The following TAF8 variants were observed in gnomAD, a reference collection of about 807,000 sequenced individuals.
The protein encoded by TAF8 is TATA-box binding protein associated factor 8.
TAF8 carries 47 observed loss-of-function variants against 36.5 expected under a neutral mutation model. The ratio of observed to expected loss-of-function variants is 1.29; its 90% confidence interval spans 1.02 to 1.64. The LOEUF is 1.64. TAF8 is among the 40% of genes most tolerant of loss of function. The pLI, the probability that TAF8 is intolerant of heterozygous loss-of-function variation, is 0.00. For missense variants in TAF8, 420 were observed against 407.6 expected (o/e 1.03, Z -0.26); for synonymous variants, 175 against 159.5 (o/e 1.10, Z -0.73).
intron 1 of TAF8, chr6:42,050,936 C>T (rs1277511487): frequency 8.9e-7 from 1 of 1,128,558 alleles, no homozygotes; most frequent in Non-Finnish European, 1.1e-6. Context: ...TTATCTTTTG[C>T]CCTCCTCTCC....
chr6:42,079,909 C>T lies in TAF8; in HGVS notation c.*2364C>T. Reference sequence around the variant, plus strand: ...TTTGGAAACTTGAAAAACTTGGGGACTTGACAGCAGGCTCCATGTTCTTCT... The same window carrying T: ...TTTGGAAACTTGAAAAACTTGGGGATTTGACAGCAGGCTCCATGTTCTTCT... On this transcript the variant is annotated 3_prime_UTR_variant, in exon 9 of 9. Coordinates refer to ENST00000372977, the MANE Select transcript of TAF8 (RefSeq NM_138572.3). 1 of 984,998 alleles carries T rather than the reference C, an allele frequency of 1.0e-6. No homozygotes were observed. Among genetic ancestry groups the T allele is most frequent in the Non-Finnish European group, 1.2e-6 (1 of 829,918 alleles). The allele number at this position is 984,998 out of a possible 1,614,324, so 61.0% of individuals were successfully genotyped here. A position where few individuals can be genotyped will look rare whatever the true frequency, so the allele number is the denominator to read the frequency against.
intron 2 of TAF8, 44 bp downstream of exon 2, chr6:42,051,557 C>T (rs1408697904): frequency 1.3e-6 from 2 of 1,589,352 alleles, no homozygotes; most frequent in Non-Finnish European, 1.7e-6. Flanking sequence ...ACCCCAACAT[C>T]AGTTCTGTGC....
chr6:42,072,430 G>A (rs1765610830), intron 7 of TAF8, among the ~76,000 whole-genome samples: 1 of 152,162 alleles, frequency 6.6e-6, no homozygotes, highest in Non-Finnish European at 1.5e-5. Flanking sequence ...CCCTCCCACA[G>A]AGCAACTGTC....
intron 6 of TAF8, among the ~76,000 whole-genome samples, chr6:42,068,184 G>C (rs773305264): frequency 6.6e-6 from 1 of 152,170 alleles, no homozygotes; most frequent in African/African-American, 2.4e-5. Flanking sequence ...CTGAAGTCAT[G>C]CTGCTTGAGT....
intron 3 of TAF8, 115 bp from the exon 4 acceptor site, chr6:42,055,837 G>A (rs187867493): frequency 2.5e-5 from 20 of 810,708 alleles, no homozygotes; most frequent in African/African-American, 3.4e-5. Flanking sequence ...CTTCTTTTGC[G>A]TGGCTGCAAG....
At position 42,077,164 on chromosome 6, in the gene TAF8, G is replaced by T. The variant is rs376494787; in HGVS notation, c.845G>T (p.Ser282Ile). 8 of 1,614,078 alleles carry T rather than the reference G, an allele frequency of 5.0e-6. No homozygotes were observed. In the African/African-American group the frequency reaches 8.0e-5, roughly 16 times the overall value. The change falls in exon 8 of 9, where the codon AGC (serine) becomes ATC (isoleucine). Residue 282 changes from serine to isoleucine, a missense_variant. Coordinates refer to ENST00000372977, the MANE Select transcript of TAF8 (RefSeq NM_138572.3). ...VLQQNPSLSGSRNGEENIIDN... is the reference protein window; with the variant it reads ...VLQQNPSLSGIRNGEENIIDN... Reference sequence around the variant, plus strand: ...CAGCAGAACCCCTCCTTGTCGGGTAGCCGGAATGGGGAGGAGAACATCATC... The same window carrying T: ...CAGCAGAACCCCTCCTTGTCGGGTATCCGGAATGGGGAGGAGAACATCATC...
At chr6:42,067,784 C>G (rs1227798221) in intron 6 of TAF8, among the ~76,000 whole-genome samples, 3 of 150,654 alleles carry the variant, frequency 2.0e-5, no homozygotes. Flanking sequence ...AGGCTGGTCT[C>G]AAACTCCTGG....
chr6:42,068,697 A>G, intron 7 of TAF8, 90 bp downstream of exon 7: 2 of 1,514,062 alleles, frequency 1.3e-6, no homozygotes, highest in Non-Finnish European at 1.8e-6. Flanking sequence ...GACATGATCG[A>G]CCTCAGGTCT....
At position 42,080,850 on chromosome 6, in the gene TAF8, A is replaced by T. The variant is rs1047305642; in HGVS notation, c.*3305A>T. The T allele has an allele frequency of 5.1e-6, 5 of 978,820 alleles. No homozygotes were observed. The African/African-American group carries it at 8.8e-5, about 17-fold the overall frequency. 60.6% of individuals were successfully genotyped at this position (978,820 alleles called of 1,614,324 possible). A position where few individuals can be genotyped will look rare whatever the true frequency, so the allele number is the denominator to read the frequency against. On this transcript the variant is annotated 3_prime_UTR_variant, in exon 9 of 9. Coordinates refer to ENST00000372977, the MANE Select transcript of TAF8 (RefSeq NM_138572.3). ...GCCAAAAGTAGTAAACATGCAGATT[A>T]AAAATGTTTATGAAAATCTCAATAA...
At chr6:42,072,707 T>C (rs1562019567) in intron 7 of TAF8, among the ~76,000 whole-genome samples, 1 of 152,038 alleles carries the variant, frequency 6.6e-6, no homozygotes, top group Non-Finnish European at 1.5e-5. Context: ...TATAGCAAAG[T>C]AAATAACTGG....
rs906315951 is a variant in TAF8 at position 42,078,225 on chromosome 6, G to T, written c.*680G>T. On this transcript the variant is annotated 3_prime_UTR_variant, in exon 9 of 9. Transcript: ENST00000372977. Reference sequence around the variant, plus strand: ...TTAATCAATCAGGCTATGTGGTGGGGCATAGCAGCAGCCAGTGACTTCGTT... The same window carrying T: ...TTAATCAATCAGGCTATGTGGTGGGTCATAGCAGCAGCCAGTGACTTCGTT... The T allele has an allele frequency of 1.0e-6, 1 of 985,394 alleles. No homozygotes were observed. Among genetic ancestry groups the T allele is most frequent in the African/African-American group, 1.7e-5 (1 of 57,244 alleles). The allele number at this position is 985,394 out of a possible 1,614,324, so 61.0% of individuals were successfully genotyped here. A position where few individuals can be genotyped will look rare whatever the true frequency, so the allele number is the denominator to read the frequency against.
intron 7 of TAF8, 125 bp downstream of exon 7, chr6:42,068,732 C>T: frequency 1.8e-6 from 2 of 1,136,374 alleles, no homozygotes; most frequent in East Asian, 2.4e-5. Flanking sequence ...TAGGGGCCTG[C>T]ATAAGGGCTT....
In TAF8 at chr6:42,051,393, A is replaced by G. The variant is rs1441355382; in HGVS notation, c.82A>G (p.Asn28Asp). 6.2e-7 allele frequency: 1 copy of G among 1,614,166 alleles called. No individual in the cohort carries two copies. The highest frequency in any genetic ancestry group is 1.1e-5 in the South Asian group (1 of 91,082). The change falls in exon 2 of 9, where the codon AAC becomes GAC. Residue 28 changes from asparagine to aspartate, a missense_variant. Physicochemically the swap from Asn to Asp is conservative, Grantham distance 23 (BLOSUM62 1). Coordinates refer to ENST00000372977, the MANE Select transcript of TAF8 (RefSeq NM_138572.3). The part of the protein sequence containing the change: ...GSKQSTNPAD[N>D]YHLARRRTLQ... ...TAAACAGTCCACTAACCCTGCCGAT[A>G]ACTATCATCTGGCCCGGAGGAGAAC...
chr6:42,064,741 AG>A (rs1169047654), intron 5 of TAF8, among the ~76,000 whole-genome samples: 1 of 149,856 alleles, frequency 6.7e-6, no homozygotes, highest in Non-Finnish European at 1.5e-5. Flanking sequence ...GTGGATCACA[AG>A]GTCAGGAGAT....
chr6:42,058,254 C>T (rs188244731), intron 5 of TAF8, among the ~76,000 whole-genome samples: 84 of 152,194 alleles, frequency 5.5e-4, no homozygotes, highest in African/African-American at 1.7e-3. Flanking sequence ...CGTGGTGGCA[C>T]ATACCTGTAG....
intron 2 of TAF8, among the ~76,000 whole-genome samples, chr6:42,054,232 C>T (rs1450144216): frequency 6.6e-6 from 1 of 152,178 alleles, no homozygotes; most frequent in Non-Finnish European, 1.5e-5. Flanking sequence ...CCCCAAAAGA[C>T]TTTAACGTGA....
At chr6:42,061,127 G>C (rs1385078735) in intron 5 of TAF8, among the ~76,000 whole-genome samples, 1 of 152,090 alleles carries the variant, frequency 6.6e-6, no homozygotes, top group Non-Finnish European at 1.5e-5. Context: ...ACTGCATTTT[G>C]AAAAGGACCA....
chr6:42,083,496 A>G (rs1015523533), downstream of TAF8, among the ~76,000 whole-genome samples: 1 of 152,176 alleles, frequency 6.6e-6, no homozygotes, highest in African/African-American at 2.4e-5. Flanking sequence ...CCTCCTTGCC[A>G]CCTCAGTGTA....
At chr6:42,061,116 A>G (rs746864814) in intron 5 of TAF8, among the ~76,000 whole-genome samples, 3 of 152,214 alleles carry the variant, frequency 2.0e-5, no homozygotes, top group Non-Finnish European at 2.9e-5. Flanking sequence ...TTTGATTATA[A>G]ACTGCATTTT....
Sources: gnomAD v4.1 joint callset for allele counts (sites outside exome capture counted in the v4.1 genomes callset) on GRCh38, gnomAD v4.1.1 for gene constraint, MANE v1.5 for transcripts, NCBI Gene and HGNC (gene_info 2026-07-23, HGNC 2026-07-21) for gene names.